The following GK variants were observed in gnomAD, a reference collection of about 807,000 sequenced individuals.
GK encodes ATP:glycerol 3-phosphotransferase.
Under a neutral mutation model 56.4 loss-of-function variants are expected in GK, and 9 were observed. The ratio of observed to expected loss-of-function variants is 0.16; its 90% CI spans 0.10 to 0.28. The LOEUF (loss-of-function observed/expected upper bound fraction) is 0.28, where lower values mean the gene tolerates loss of function less well. Among genes scored for constraint, GK ranks in the 10% least tolerant of loss-of-function variants. The pLI is 1.00. For missense variants in GK, 161 were observed against 431.4 expected (o/e 0.37, Z 5.55); for synonymous variants, 104 against 144.1 (o/e 0.72, Z 1.99).
intron 3 of GK, among the ~76,000 whole-genome samples, chrX:30,673,117 G>A (rs1185994317): frequency 8.9e-6 from 1 of 111,775 alleles, no homozygotes; most frequent in African/African-American, 3.2e-5. Flanking sequence ...AATTAACCAG[G>A]GATTTTGAGT....
chrX:30,707,514 T>C, intron 11 of GK, 42 bp from the exon 12 acceptor site: 1 of 785,542 alleles, frequency 1.3e-6, no homozygotes, highest in South Asian at 2.2e-5. Flanking sequence ...TTATTTGCTT[T>C]CAATAAAATT....
chrX:30,727,012 T>C (rs747766193), intron 19 of GK, among the ~76,000 whole-genome samples: 1 of 112,758 alleles, frequency 8.9e-6, no homozygotes, highest in East Asian at 2.8e-4. Flanking sequence ...TGAACTAATA[T>C]TTTAGCAAAC....
At chrX:30,662,707 C>T (rs868095580) in intron 1 of GK, among the ~76,000 whole-genome samples, 1 of 101,064 alleles carries the variant, frequency 9.9e-6, no homozygotes, top group African/African-American at 3.5e-5. Flanking sequence ...CTCTCTTTCT[C>T]TTTTTCTTTC....
chrX:30,668,236 G>A (rs1933214269), intron 3 of GK, 118 bp downstream of exon 3: 1 of 510,619 alleles, frequency 2.0e-6, no homozygotes, highest in African/African-American at 2.3e-5. Context: ...ATGAGAACTT[G>A]AGGATACAAC....
rs6527003 is a variant in GK at position 30,721,244 on chromosome X, A to G, written c.1501+249A>G. ...TTGCTTTTACTGTTTATGGTCCTTT[A>G]GTGTAGGATAATAATACTGCCACAC... On this transcript the variant is annotated intron_variant, in intron 18 of 20. Coordinates refer to ENST00000427190, the MANE Select transcript of GK (RefSeq NM_001205019.2). The G allele has an allele frequency of 8.6e-3, 3,388 of 391,854 alleles. 76 individuals are homozygous for G. Among genetic ancestry groups the G allele is most frequent in the African/African-American group, 0.075 (2,942 of 39,221 alleles). The allele number at this position is 391,854 out of a possible 1,213,427, so 32.3% of individuals were successfully genotyped here. A position where few individuals can be genotyped will look rare whatever the true frequency, so the allele number is the denominator to read the frequency against.
rs1352892345 is a variant in GK at position 30,700,421 on chromosome X, G to A, written c.755G>A (p.Gly252Glu). The part of the protein sequence containing the change: ...LMKISHSVKA[G>E]ALEGVPISGC... Reference sequence around the variant, plus strand: ...TTTTTTAAATTTTATTAGAAAGCTGGGGCCTTGGAAGGTGTGCCAATATCT... The same window carrying A: ...TTTTTTAAATTTTATTAGAAAGCTGAGGCCTTGGAAGGTGTGCCAATATCT... Residue 252 changes from glycine to glutamate, a missense_variant, in exon 10 of 21, where the codon GGG becomes GAG. Transcript: ENST00000427190. The A allele has an allele frequency of 1.7e-6, 2 of 1,202,638 alleles. No individual in the cohort carries two copies. The highest frequency in any genetic ancestry group is 4.4e-5 in the Admixed American group (2 of 45,893).
intron 1 of GK, among the ~76,000 whole-genome samples, chrX:30,663,923 G>GCT (rs765953215): frequency 0.04 from 3,540 of 89,038 alleles, 159 homozygotes; most frequent in Middle Eastern, 0.083. Context: ...TGAAAAACTT[G>GCT]CTCTCTCTCT....
At chrX:30,687,104 C>T (rs184590715) in intron 4 of GK, among the ~76,000 whole-genome samples, 51 of 111,069 alleles carry the variant, frequency 4.6e-4, no homozygotes, top group African/African-American at 1.5e-3. Context: ...TGTAGATGGC[C>T]ACAACACAGA....
chrX:30,708,276 A>T (rs1206900311), intron 13 of GK, 142 bp downstream of exon 13: 1 of 433,517 alleles, frequency 2.3e-6, no homozygotes, highest in African/African-American at 2.5e-5. Context: ...ATTGAGTTGA[A>T]GGAACCTGAA....
intron 1 of GK, among the ~76,000 whole-genome samples, chrX:30,656,526 G>A (rs771352374): frequency 2.7e-5 from 3 of 111,330 alleles, no homozygotes; most frequent in African/African-American, 6.5e-5. Context: ...CCACATATCC[G>A]CTTCTCTACC....
At position 30,705,096 on chromosome X, in the gene GK, A is replaced by C. The variant is rs140977322; in HGVS notation, c.852-2460A>C. ...TGTTTGTAAGTTATGGTAAGACCAG[A>C]GAATGTTTCTTTGGAGTCTGAGCGG... On this transcript the variant is annotated intron_variant, in intron 11 of 20. Coordinates refer to ENST00000427190, the MANE Select transcript of GK (RefSeq NM_001205019.2). 6.8e-3 allele frequency among the ~76,000 whole-genome samples: 765 copies of C among 112,584 alleles called. 5 individuals are homozygous for C. Among genetic ancestry groups the C allele is most frequent in the African/African-American group, 0.023 (725 of 30,989 alleles).
intron 18 of GK, among the ~76,000 whole-genome samples, chrX:30,723,484 G>A (rs1370175873): frequency 9.0e-6 from 1 of 111,425 alleles, no homozygotes; most frequent in African/African-American, 3.3e-5. Flanking sequence ...CCAAAAAGAA[G>A]AGAAAACAGA....
intron 1 of GK, among the ~76,000 whole-genome samples, chrX:30,658,460 T>G (rs1418372154): frequency 9.0e-6 from 1 of 111,414 alleles, no homozygotes; most frequent in African/African-American, 3.3e-5. Flanking sequence ...GGATTACAGG[T>G]GTGCGCCACC....
At chrX:30,684,283 A>C (rs1029753830) in intron 4 of GK, among the ~76,000 whole-genome samples, 20 of 112,131 alleles carry the variant, frequency 1.8e-4, no homozygotes, top group Non-Finnish European at 3.0e-4. Flanking sequence ...TCACCACTGC[A>C]GTTGATTGGT....
At chrX:30,665,089 T>C (rs1194746607) in intron 1 of GK, among the ~76,000 whole-genome samples, 1 of 111,955 alleles carries the variant, frequency 8.9e-6, no homozygotes, top group Non-Finnish European at 1.9e-5. Flanking sequence ...TGTGCCTGAG[T>C]ATCTGTGACC....
Position 30,672,974 on chromosome X carries a change from A to T in GK, c.260-4401A>T, listed in dbSNP as rs1361928498. On this transcript the variant is annotated intron_variant, in intron 3 of 20. Coordinates refer to ENST00000427190, the MANE Select transcript of GK (RefSeq NM_001205019.2). ...AATTATATGTTATGATTTTAATTTT[A>T]AAAAAGGATGCATCTCATCCATAAT... 2.5e-4 allele frequency among the ~76,000 whole-genome samples: 28 copies of T among 112,263 alleles called. No homozygotes were observed. In the Admixed American group the frequency reaches 2.6e-3, roughly 11 times the overall value.
intron 13 of GK, among the ~76,000 whole-genome samples, chrX:30,712,607 A>G (rs1425324291): frequency 1.9e-5 from 2 of 105,963 alleles, no homozygotes; most frequent in Non-Finnish European, 3.9e-5. Context: ...AATGGAAGTC[A>G]TTTCCTAATT....
intron 14 of GK, 129 bp from the exon 15 acceptor site, chrX:30,719,290 A>C: frequency 2.1e-6 from 1 of 483,111 alleles, no homozygotes. Context: ...AGTTAGCAAC[A>C]TTTTGCTCTA....
At chrX:30,658,997 A>G (rs1198508319) in intron 1 of GK, among the ~76,000 whole-genome samples, 2 of 112,493 alleles carry the variant, frequency 1.8e-5, no homozygotes, top group East Asian at 5.6e-4. Context: ...TGATGTATGT[A>G]TATGCCATTT....
Sources: allele counts gnomAD v4.1 joint callset (sites outside exome capture counted in the v4.1 genomes callset), GRCh38; gene constraint gnomAD v4.1.1; transcripts MANE v1.5; gene names NCBI Gene and HGNC (gene_info 2026-07-23, HGNC 2026-07-21).